Variants in OXR1 observed in about 807,000 individuals in gnomAD.
The protein encoded by OXR1 is oxidation resistance protein 1.
In OXR1, 41 loss-of-function variants were observed where a neutral mutation model predicts 104.6. The ratio of observed to expected loss-of-function variants is 0.39; its 90% CI spans 0.31 to 0.51. OXR1 has a LOEUF of 0.51. Among genes scored for constraint, OXR1 ranks in the 20% least tolerant of loss-of-function variants. OXR1 has a pLI of 0.77. For synonymous variants in OXR1, 348 were observed against 348.4 expected (o/e 1.00, Z 0.01); for missense variants, 955 against 1,031.9 (o/e 0.93, Z 1.02).
intron 3 of OXR1, among the ~76,000 whole-genome samples, chr8:106,594,072 C>T (rs1819326560): frequency 6.6e-6 from 1 of 152,182 alleles, no homozygotes. Flanking sequence ...GTCTATGATA[C>T]CATGGTTTAG....
intron 7 of OXR1, among the ~76,000 whole-genome samples, chr8:106,701,809 A>G (rs1830602461): frequency 6.6e-6 from 1 of 152,172 alleles, no homozygotes; most frequent in Non-Finnish European, 1.5e-5. Flanking sequence ...CAGAGCTATG[A>G]TTGTGAAGAT....
intron 2 of OXR1, chr8:106,447,904 C>T: frequency 2.0e-6 from 3 of 1,509,922 alleles, no homozygotes; most frequent in Admixed American, 4.1e-5. Flanking sequence ...GGGCTCCTGG[C>T]GGAGGTAGTG....
At chr8:106,636,048 C>T (rs1009918833) in intron 3 of OXR1, among the ~76,000 whole-genome samples, 1 of 152,162 alleles carries the variant, frequency 6.6e-6, no homozygotes, top group African/African-American at 2.4e-5. Flanking sequence ...TGGCTCTGTT[C>T]TAGCCCTGTA....
At chr8:106,339,976 A>G (rs1815172700) in intron 1 of OXR1, among the ~76,000 whole-genome samples, 1 of 152,186 alleles carries the variant, frequency 6.6e-6, no homozygotes, top group Non-Finnish European at 1.5e-5. Flanking sequence ...TCTGATATGT[A>G]AATTTTTTGC....
chr8:106,672,852 A>G (rs1827187724), intron 3 of OXR1, among the ~76,000 whole-genome samples: 1 of 152,136 alleles, frequency 6.6e-6, no homozygotes, highest in South Asian at 2.1e-4. Flanking sequence ...CTTGTAAAGA[A>G]GGTGCCTTGC....
chr8:106,335,428 A>T (rs1186434729), intron 1 of OXR1, among the ~76,000 whole-genome samples: 1 of 152,198 alleles, frequency 6.6e-6, no homozygotes, highest in Non-Finnish European at 1.5e-5. Flanking sequence ...ATGCTCAAAA[A>T]TATTTGAATG....
At chr8:106,551,171 T>C (rs1182043798) in intron 3 of OXR1, among the ~76,000 whole-genome samples, 2 of 152,150 alleles carry the variant, frequency 1.3e-5, no homozygotes, top group African/African-American at 4.8e-5. Context: ...TTAAAATAAG[T>C]AGGTAAATTA....
chr8:106,441,554 A>C (rs925889134), intron 2 of OXR1, among the ~76,000 whole-genome samples: 3 of 152,118 alleles, frequency 2.0e-5, no homozygotes, highest in Admixed American at 1.3e-4. Context: ...ATGAGGATGG[A>C]GTGTTTTTCC....
Position 106,706,586 on chromosome 8 carries a change from T to G in OXR1, c.1065T>G (p.Asp355Glu). The G allele has an allele frequency of 6.2e-7, 1 of 1,612,670 alleles. No homozygotes were observed. The highest frequency in any genetic ancestry group is 8.5e-7 in the Non-Finnish European group (1 of 1,179,640). Reference sequence around the variant, plus strand: ...TACGAGAGGAGCTTGTATCTTCAGATGAACTGCGACAAGATAAATCTTCTG... The same window carrying G: ...TACGAGAGGAGCTTGTATCTTCAGAGGAACTGCGACAAGATAAATCTTCTG... ...SPIREELVSSDELRQDKSSGA... is the reference protein window; with the variant it reads ...SPIREELVSSEELRQDKSSGA... The change falls in exon 9 of 17, where the codon GAT (aspartate) becomes GAG (glutamate). Residue 355 changes from aspartate to glutamate, a missense_variant. By Grantham distance (45) the Asp-to-Glu change is conservative. Coordinates refer to ENST00000517566, the MANE Select transcript of OXR1 (RefSeq NM_001198533.2).
chr8:106,511,426 G>A (rs188084446), intron 2 of OXR1, among the ~76,000 whole-genome samples: 1 of 152,224 alleles, frequency 6.6e-6, no homozygotes, highest in East Asian at 1.9e-4. Flanking sequence ...ACAGTAACAA[G>A]ATGTGCAAAC....
intron 7 of OXR1, among the ~76,000 whole-genome samples, chr8:106,693,424 C>CTTTTTTT (rs11384137): frequency 8.2e-5 from 8 of 97,552 alleles, no homozygotes; most frequent in African/African-American, 1.2e-4. Context: ...TAGTCAGAAT[C>CTTTTTTT]TTTTTTTTTT....
rs571158301 is a variant in OXR1, at chr8:106,626,998, C to T, written c.221-52212C>T. 3.3e-5 allele frequency among the ~76,000 whole-genome samples: 5 copies of T among 151,854 alleles called. No individual in the cohort carries two copies. The East Asian group carries it at 9.7e-4, about 29-fold the overall frequency. ...TCTATTATGTTTCGATGCTTTTCTCCGTAGTTAACCTCTCGTGTCTACAAC... is the reference window on the plus strand; with the variant it reads ...TCTATTATGTTTCGATGCTTTTCTCTGTAGTTAACCTCTCGTGTCTACAAC... On this transcript the variant is annotated intron_variant, in intron 3 of 16. Transcript: ENST00000517566.
At chr8:106,686,735 T>A (rs920420212) in intron 6 of OXR1, among the ~76,000 whole-genome samples, 1 of 152,224 alleles carries the variant, frequency 6.6e-6, no homozygotes, top group Admixed American at 6.5e-5. Context: ...TGGTTTACTA[T>A]GAAGCTAAAA....
At chr8:106,448,227 C>A (rs1346091375) in intron 2 of OXR1, among the ~76,000 whole-genome samples, 3 of 152,108 alleles carry the variant, frequency 2.0e-5, no homozygotes, top group Non-Finnish European at 4.4e-5. Flanking sequence ...GAAGTGGGAC[C>A]GTGAACAAGG....
rs1587312678 is a variant in OXR1, at chr8:106,742,547, A to G, written c.2412+230A>G. On this transcript the variant is annotated intron_variant, in intron 15 of 16. Transcript: ENST00000517566. Reference sequence around the variant, plus strand: ...GCATCACGTTACGTGACTTCAAAGTATACTACAAGGCTACAGTAACCAAAA... The same window carrying G: ...GCATCACGTTACGTGACTTCAAAGTGTACTACAAGGCTACAGTAACCAAAA... The G allele has an allele frequency of 1.1e-5, 4 of 370,894 alleles. No homozygotes were observed. The East Asian group carries it at 1.6e-4, about 15-fold the overall frequency. 23.0% of individuals were successfully genotyped at this position (370,894 alleles called of 1,614,324 possible).
chr8:106,281,865 A>T (rs1189619984), intron 1 of OXR1, among the ~76,000 whole-genome samples: 5 of 151,562 alleles, frequency 3.3e-5, no homozygotes, highest in African/African-American at 1.2e-4. Flanking sequence ...AGGGCTGATT[A>T]TAAGGGGAGA....
intron 3 of OXR1, among the ~76,000 whole-genome samples, chr8:106,575,997 C>CACACACAA (rs1212950148): frequency 6.7e-6 from 1 of 150,320 alleles, no homozygotes; most frequent in Non-Finnish European, 1.5e-5. Context: ...CACACACACA[C>CACACACAA]ACACACACAC....
Position 106,745,843 on chromosome 8 carries a change from C to T in OXR1, c.2467C>T (p.Leu823=), listed in dbSNP as rs1318654816. The change falls in exon 16 of 17, where the codon CTA becomes TTA. Residue 823 remains leucine (L), a synonymous_variant. Transcript: ENST00000517566. ...MFFIKGDMDS[L]AFGGGGGEFA... Reference sequence around the variant, plus strand: ...TTTTATCAAAGGAGACATGGATTCACTAGCTTTCGGTGGTGGAGGGTAAGT... The same window carrying T: ...TTTTATCAAAGGAGACATGGATTCATTAGCTTTCGGTGGTGGAGGGTAAGT... 8 of 1,589,150 alleles carry T rather than the reference C, an allele frequency of 5.0e-6. No homozygotes were observed. Among genetic ancestry groups the T allele is most frequent in the Non-Finnish European group, 6.9e-6 (8 of 1,158,550 alleles).
intron 3 of OXR1, among the ~76,000 whole-genome samples, chr8:106,611,636 T>A (rs1820819949): frequency 6.6e-6 from 1 of 152,160 alleles, no homozygotes; most frequent in South Asian, 2.1e-4. Context: ...CCACGCAAAT[T>A]GGCAGCGCTT....
Sources: gnomAD v4.1 joint callset for allele counts (sites outside exome capture counted in the v4.1 genomes callset) on GRCh38, gnomAD v4.1.1 for gene constraint, MANE v1.5 for transcripts, NCBI Gene and HGNC (gene_info 2026-07-23, HGNC 2026-07-21) for gene names.